PLCB1: variants seen among roughly 807,000 people sequenced by gnomAD.
PLCB1 encodes 1-phosphatidylinositol 4,5-bisphosphate phosphodiesterase beta-1.
A neutral mutation model predicts 161.8 loss-of-function variants in PLCB1; 46 were observed. That is an observed-to-expected ratio of 0.28 (90% CI 0.22 to 0.36). The LOEUF (loss-of-function observed/expected upper bound fraction) is 0.36. PLCB1 is among the 10% of genes least tolerant of loss of function. The probability of loss-of-function intolerance (pLI) is 1.00; values close to 1 mark genes in which losing one functional copy is unlikely to be tolerated. For missense variants in PLCB1, 1,016 were observed against 1,472.5 expected (o/e 0.69, Z 5.07); for synonymous variants, 517 against 503.7 (o/e 1.03, Z -0.35).
chr20:8,261,661 A>G (rs988700233), intron 2 of PLCB1, among the ~76,000 whole-genome samples: 41 of 152,116 alleles, frequency 2.7e-4, no homozygotes, highest in African/African-American at 8.0e-4. Flanking sequence ...CACCTAATTT[A>G]TTGAAGGTGA....
intron 10 of PLCB1, among the ~76,000 whole-genome samples, 170 bp downstream of exon 10, chr20:8,685,248 G>A (rs554551753): frequency 2.0e-5 from 3 of 152,144 alleles, no homozygotes; most frequent in Admixed American, 2.0e-4. Flanking sequence ...AAGCAGTCAT[G>A]TCCACATGTG....
intron 3 of PLCB1, among the ~76,000 whole-genome samples, chr20:8,393,149 A>G (rs1987660628): frequency 6.6e-6 from 1 of 152,168 alleles, no homozygotes; most frequent in Non-Finnish European, 1.5e-5. Context: ...GCCACCTGGT[A>G]CTTCTGTACT....
intron 2 of PLCB1, among the ~76,000 whole-genome samples, chr20:8,222,041 G>T (rs1979441894): frequency 6.6e-6 from 1 of 152,024 alleles, no homozygotes; most frequent in African/African-American, 2.4e-5. Flanking sequence ...CATGCTTCTT[G>T]GTTCCATAGT....
intron 19 of PLCB1, among the ~76,000 whole-genome samples, chr20:8,736,120 C>T (rs1271596068): frequency 6.6e-6 from 1 of 152,174 alleles, no homozygotes; most frequent in African/African-American, 2.4e-5. Context: ...TTCTTGTAAC[C>T]ACATAACCCA....
chr20:8,469,545 C>A (rs1555809488), intron 3 of PLCB1, among the ~76,000 whole-genome samples: 1 of 151,706 alleles, frequency 6.6e-6, no homozygotes, highest in Non-Finnish European at 1.5e-5. Context: ...TCAGTGTAAC[C>A]CTACTGAGTT....
chr20:8,539,475 T>C (rs374299085), intron 3 of PLCB1, among the ~76,000 whole-genome samples: 10 of 152,282 alleles, frequency 6.6e-5, no homozygotes, highest in African/African-American at 1.7e-4. Context: ...TCTGGGAACA[T>C]AGAATTAAAG....
chr20:8,254,904 A>G (rs1322380574), intron 2 of PLCB1, among the ~76,000 whole-genome samples: 7 of 152,056 alleles, frequency 4.6e-5, no homozygotes, highest in South Asian at 2.1e-4. Flanking sequence ...TCCTTTGCCA[A>G]TTAACCCAAT....
intron 27 of PLCB1, among the ~76,000 whole-genome samples, chr20:8,787,042 A>G (rs901125203): frequency 1.3e-5 from 2 of 152,056 alleles, no homozygotes; most frequent in East Asian, 1.9e-4. Context: ...ACATATAGAA[A>G]TTATCAGTTA....
At chr20:8,550,028 G>A (rs1315844583) in intron 3 of PLCB1, among the ~76,000 whole-genome samples, 1 of 152,090 alleles carries the variant, frequency 6.6e-6, no homozygotes, top group Non-Finnish European at 1.5e-5. Context: ...CTTCATTTTG[G>A]CCAATTTCTC....
intron 31 of PLCB1, among the ~76,000 whole-genome samples, chr20:8,840,639 AATATCTTC>A (rs1408757223): frequency 6.6e-6 from 1 of 152,174 alleles, no homozygotes; most frequent in Non-Finnish European, 1.5e-5. Context: ...TTTTGGAGGC[AATATCTTC>A]ATAAATGCCA....
chr20:8,681,689 C>A (rs1990225959), intron 9 of PLCB1, among the ~76,000 whole-genome samples: 1 of 152,168 alleles, frequency 6.6e-6, no homozygotes, highest in Non-Finnish European at 1.5e-5. Context: ...AAGATACTTG[C>A]ATTTATTGCC....
intron 3 of PLCB1, among the ~76,000 whole-genome samples, chr20:8,411,223 GAAGTCTTAGTAT>G (rs1979029195): frequency 6.6e-6 from 1 of 152,276 alleles, no homozygotes; most frequent in East Asian, 1.9e-4. Context: ...AGTGAATTTT[GAAGTCTTAGTAT>G]GAAAAAAGGG....
At chr20:8,558,576 C>T (rs1373017330) in intron 3 of PLCB1, among the ~76,000 whole-genome samples, 1 of 151,620 alleles carries the variant, frequency 6.6e-6, no homozygotes, top group Non-Finnish European at 1.5e-5. Context: ...TAAATCTACA[C>T]ATTCAGGAAG....
At chr20:8,346,799 G>C (rs1331925284) in intron 2 of PLCB1, among the ~76,000 whole-genome samples, 1 of 152,154 alleles carries the variant, frequency 6.6e-6, no homozygotes, top group Non-Finnish European at 1.5e-5. Flanking sequence ...GCAAATAGTA[G>C]GAGTTATGTC....
At chr20:8,340,629 T>A (rs1259339500) in intron 2 of PLCB1, among the ~76,000 whole-genome samples, 2 of 152,008 alleles carry the variant, frequency 1.3e-5, no homozygotes, top group Non-Finnish European at 2.9e-5. Context: ...TTTCACTGTG[T>A]TAGCCAGGAT....
At chr20:8,273,813 AAGTGCCAT>A (rs1417302515) in intron 2 of PLCB1, among the ~76,000 whole-genome samples, 1 of 152,186 alleles carries the variant, frequency 6.6e-6, no homozygotes, top group Non-Finnish European at 1.5e-5. Context: ...TGTATGGTGT[AAGTGCCAT>A]GGGCACTGGT....
At chr20:8,588,454 T>TAAATA (rs1987052702) in intron 3 of PLCB1, among the ~76,000 whole-genome samples, 1 of 152,170 alleles carries the variant, frequency 6.6e-6, no homozygotes, top group South Asian at 2.1e-4. Flanking sequence ...GTTGAAGCCC[T>TAAATA]AACCCCTAAT....
chr20:8,310,962 C>G (rs1984371854), intron 2 of PLCB1, among the ~76,000 whole-genome samples: 1 of 152,164 alleles, frequency 6.6e-6, no homozygotes, highest in Admixed American at 6.5e-5. Flanking sequence ...TGATGGGCAC[C>G]TGGGTTGATG....
chr20:8,760,749 G>A (rs1981978189), intron 25 of PLCB1, among the ~76,000 whole-genome samples: 1 of 152,190 alleles, frequency 6.6e-6, no homozygotes, highest in Non-Finnish European at 1.5e-5. Flanking sequence ...ATGTAACCCA[G>A]TGAACAAGAA....
Sources: allele counts gnomAD v4.1 joint callset (sites outside exome capture counted in the v4.1 genomes callset), GRCh38; gene constraint gnomAD v4.1.1; transcripts MANE v1.5; gene names NCBI Gene and HGNC (gene_info 2026-07-23, HGNC 2026-07-21).